The following EIF4B variants were observed in gnomAD, a reference collection of about 807,000 sequenced individuals.
EIF4B encodes eukaryotic translation initiation factor 4B.
EIF4B carries 8 observed loss-of-function variants against 79.3 expected under a neutral mutation model. The observed-to-expected ratio is 0.10, with a 90% CI of 0.06 to 0.18. The LOEUF is 0.18. Among genes scored for constraint, EIF4B ranks in the 10% least tolerant of loss-of-function variants. The pLI is 1.00. For synonymous variants in EIF4B, 238 were observed against 274.7 expected, an observed-to-expected ratio of 0.87 and a Z score of 1.32; for missense variants, 515 against 792.4, an observed-to-expected ratio of 0.65 and a Z score of 4.20.
intron 4 of EIF4B, 168 bp from the exon 5 acceptor site, chr12:53,021,638 T>C (rs1468945655): frequency 4.0e-6 from 3 of 749,476 alleles, no homozygotes; most frequent in African/African-American, 3.5e-5. Flanking sequence ...AACTTTTAAG[T>C]CTTTTAAAGG....
intron 11 of EIF4B, 41 bp from the exon 12 acceptor site, chr12:53,038,315 C>T (rs368689916): frequency 1.3e-4 from 200 of 1,537,704 alleles, no homozygotes; most frequent in Non-Finnish European, 1.7e-4. Context: ...TGTTTTCTCC[C>T]TGAAACAACT....
intron 6 of EIF4B, among the ~76,000 whole-genome samples, chr12:53,024,443 C>T: frequency 6.6e-6 from 1 of 152,116 alleles, no homozygotes; most frequent in East Asian, 1.9e-4. Flanking sequence ...GGTAATTTAA[C>T]CACCCTTTTA....
At chr12:53,034,800 T>C (rs1943509731) in intron 10 of EIF4B, 91 bp downstream of exon 10, 2 of 1,433,164 alleles carry the variant, frequency 1.4e-6, no homozygotes, top group Non-Finnish European at 2.0e-6. Flanking sequence ...ATATTTAAAT[T>C]CAGTCATGAA....
chr12:53,006,473 C>T lies in EIF4B; in HGVS notation c.-11C>T, dbSNP rs1388929745. The T allele has an allele frequency of 8.7e-6, 14 of 1,613,372 alleles. No homozygotes were observed. Among genetic ancestry groups the T allele is most frequent in the Admixed American group, 8.3e-5 (5 of 59,992 alleles). On this transcript the variant is annotated 5_prime_UTR_variant, in exon 1 of 15. Transcript: ENST00000262056. ...ATCCGGGTCTTTTGCGTTCTCTTTCCCTCTCCCAACATGGCGGCCTCAGGT... is the reference window on the plus strand; with the variant it reads ...ATCCGGGTCTTTTGCGTTCTCTTTCTCTCTCCCAACATGGCGGCCTCAGGT...
intron 2 of EIF4B, among the ~76,000 whole-genome samples, 175 bp from the exon 3 acceptor site, chr12:53,018,619 ATAAT>A (rs1198509338): frequency 2.0e-5 from 3 of 152,212 alleles, no homozygotes; most frequent in Non-Finnish European, 4.4e-5. Flanking sequence ...TTAAGGTGTC[ATAAT>A]TAATCTCAGA....
At chr12:53,037,700 G>C in intron 11 of EIF4B, 78 bp downstream of exon 11, 2 of 1,501,300 alleles carry the variant, frequency 1.3e-6, no homozygotes, top group Non-Finnish European at 1.8e-6. Flanking sequence ...GATCTCCTAC[G>C]GGATGCCAGC....
chr12:53,023,194 T>C (rs1943276792), intron 6 of EIF4B, among the ~76,000 whole-genome samples: 1 of 152,118 alleles, frequency 6.6e-6, no homozygotes, highest in Non-Finnish European at 1.5e-5. Context: ...GATTGCTGAG[T>C]GAAGAGCAGC....
chr12:53,040,010 A>G (rs540805929), intron 14 of EIF4B, 133 bp from the exon 15 acceptor site: 201 of 1,008,458 alleles, frequency 2.0e-4, no homozygotes, highest in Non-Finnish European at 2.9e-4. Context: ...TCCAATGGAC[A>G]ATGCTGATGA....
chr12:53,006,832 CGCGTGAAG>C (rs1942969089), intron 1 of EIF4B, among the ~76,000 whole-genome samples: 1 of 151,858 alleles, frequency 6.6e-6, no homozygotes, highest in South Asian at 2.1e-4. Flanking sequence ...TCACCGTGCC[CGCGTGAAG>C]GCGTGGAGGA....
chr12:53,015,839 A>G (rs1943140410), intron 1 of EIF4B, among the ~76,000 whole-genome samples: 1 of 151,934 alleles, frequency 6.6e-6, no homozygotes, highest in Non-Finnish European at 1.5e-5. Flanking sequence ...TTAGCTGGGC[A>G]TGGTGGCGGG....
intron 2 of EIF4B, among the ~76,000 whole-genome samples, chr12:53,016,952 C>T (rs983460894): frequency 2.0e-5 from 3 of 152,044 alleles, no homozygotes; most frequent in Admixed American, 1.3e-4. Flanking sequence ...CTATGGGGTC[C>T]TCATAAAGTG....
At chr12:53,034,799 T>G (rs1943509689) in intron 10 of EIF4B, 90 bp downstream of exon 10, 1 of 1,441,016 alleles carries the variant, frequency 6.9e-7, no homozygotes, top group African/African-American at 1.4e-5. Flanking sequence ...AATATTTAAA[T>G]TCAGTCATGA....
At position 53,040,977 on chromosome 12, in the gene EIF4B, A is replaced by G. The variant is rs1455997421; in HGVS notation, c.*754A>G. The G allele has an allele frequency of 6.6e-6, 1 of 152,190 alleles. No homozygotes were observed. The highest frequency in any genetic ancestry group is 1.5e-5 in the Non-Finnish European group (1 of 68,028). The allele number at this position is 152,190 out of a possible 1,614,324, so 9.4% of individuals were successfully genotyped here. A position where few individuals can be genotyped will look rare whatever the true frequency, so the allele number is the denominator to read the frequency against. ...ACCTCCAGCAAACACATGAATGGTTATTTCCTGGAGCCGGAAGCACTTGGG... is the reference window on the plus strand; with the variant it reads ...ACCTCCAGCAAACACATGAATGGTTGTTTCCTGGAGCCGGAAGCACTTGGG... On this transcript the variant is annotated 3_prime_UTR_variant, in exon 15 of 15. Coordinates refer to ENST00000262056, the MANE Select transcript of EIF4B (RefSeq NM_001417.7).
At chr12:53,023,955 T>TA (rs1407110787) in intron 6 of EIF4B, among the ~76,000 whole-genome samples, 1 of 152,204 alleles carries the variant, frequency 6.6e-6, no homozygotes, top group Non-Finnish European at 1.5e-5. Flanking sequence ...TGAACAAAGA[T>TA]ACAGCAGTGT....
chr12:53,024,109 G>A (rs1943295896), intron 6 of EIF4B, among the ~76,000 whole-genome samples: 1 of 152,084 alleles, frequency 6.6e-6, no homozygotes, highest in African/African-American at 2.4e-5. Flanking sequence ...GTTGGGGTGC[G>A]GAAAGATAGG....
In EIF4B at chr12:53,027,136, A is replaced by ATTTTTTTTTTTTTTTTTTTTTTTTT. The variant is rs777111413; in HGVS notation, c.668-646_668-645insTTTTTTTTTTTTTTTTTTTTTTTTT. On this transcript the variant is annotated intron_variant, in intron 6 of 14. Transcript: ENST00000262056. ...GAGACTGTCTCTCAAAAAAAAAAAA[A>ATTTTTTTTTTTTTTTTTTTTTTTTT]ATTTTTTTTTTTTTTTTTTTTGAGA... is the stretch of plus-strand genomic sequence containing the variant. Among the ~76,000 whole-genome samples the ATTTTTTTTTTTTTTTTTTTTTTTTT allele has an allele frequency of 4.7e-4, 14 of 29,492 alleles. 3 individuals are homozygous for ATTTTTTTTTTTTTTTTTTTTTTTTT. Among genetic ancestry groups the ATTTTTTTTTTTTTTTTTTTTTTTTT allele is most frequent in the Non-Finnish European group, 1.2e-3 (10 of 8,220 alleles). 19.3% of individuals were successfully genotyped at this position (29,492 alleles called of 152,430 possible). A position where few individuals can be genotyped will look rare whatever the true frequency, so the allele number is the denominator to read the frequency against.
Position 53,021,805 on chromosome 12 carries a change from G to C in EIF4B, c.478-1G>C. 1 of 1,614,182 alleles carries C rather than the reference G, an allele frequency of 6.2e-7. No homozygotes were observed. ...TGGTTAATATGGTCCTATGCTCTCAGTCTCTAGGTAACAGGAGAATTCGAG... is the reference window on the plus strand; with the variant it reads ...TGGTTAATATGGTCCTATGCTCTCACTCTCTAGGTAACAGGAGAATTCGAG... On this transcript the variant is annotated splice_acceptor_variant, in intron 4 of 14. Transcript: ENST00000262056. LOFTEE classifies it high-confidence loss of function.
Position 53,022,347 on chromosome 12 carries a change from AT to A in EIF4B, c.533-145del, listed in dbSNP as rs2120927397. On this transcript the variant is annotated intron_variant, in intron 5 of 14. Transcript: ENST00000262056. ...GAGCCACCTGGGGTTGAATTGGAGC[AT>A]GTACTTATGGGGCCTGAGGTAACTG... 6 of 1,149,898 alleles carry A rather than the reference AT, an allele frequency of 5.2e-6. No individual in the cohort carries two copies. The South Asian group carries it at 7.6e-5, about 15-fold the overall frequency. 71.2% of individuals were successfully genotyped at this position (1,149,898 alleles called of 1,614,324 possible).
chr12:53,009,395 G>C (rs1943024025), intron 1 of EIF4B, among the ~76,000 whole-genome samples: 1 of 152,156 alleles, frequency 6.6e-6, no homozygotes, highest in Non-Finnish European at 1.5e-5. Flanking sequence ...TTTGGGCTGG[G>C]CGTGGTGGCT....
Sources: allele counts gnomAD v4.1 joint callset (sites outside exome capture counted in the v4.1 genomes callset), GRCh38; gene constraint gnomAD v4.1.1; transcripts MANE v1.5; gene names NCBI Gene and HGNC (gene_info 2026-07-23, HGNC 2026-07-21).